Variants in ZMYM2 observed in about 807,000 individuals in gnomAD.
ZMYM2 encodes zinc finger MYM-type protein 2.
A neutral mutation model predicts 162.8 loss-of-function variants in ZMYM2; 56 were observed. The observed-to-expected ratio is 0.34, with a 90% confidence interval of 0.28 to 0.43. The LOEUF (loss-of-function observed/expected upper bound fraction) is 0.43, where lower values mean the gene tolerates loss of function less well. Among genes scored for constraint, ZMYM2 ranks in the 20% least tolerant of loss-of-function variants. The probability of loss-of-function intolerance (pLI) is 1.00; values close to 1 mark genes in which losing one functional copy is unlikely to be tolerated. For synonymous variants in ZMYM2, 510 were observed against 541.6 expected (o/e 0.94, Z 0.81); for missense variants, 1,275 against 1,621.8 (o/e 0.79, Z 3.67).
At chr13:19,969,109 T>G (rs369280295) in intron 2 of ZMYM2, among the ~76,000 whole-genome samples, 1 of 152,234 alleles carries the variant, frequency 6.6e-6, no homozygotes. Context: ...ACCCAGTGTT[T>G]AAACTTTAAA....
At chr13:20,001,914 A>G (rs1250740829) in intron 3 of ZMYM2, among the ~76,000 whole-genome samples, 1 of 152,248 alleles carries the variant, frequency 6.6e-6, no homozygotes. Context: ...CACTTAATAG[A>G]CTACATTATA....
intron 2 of ZMYM2, among the ~76,000 whole-genome samples, chr13:19,964,542 G>A (rs1423622610): frequency 6.6e-6 from 1 of 152,164 alleles, no homozygotes; most frequent in Non-Finnish European, 1.5e-5. Flanking sequence ...TGGGATTTCA[G>A]GCGTGAGCCA....
intron 21 of ZMYM2, among the ~76,000 whole-genome samples, chr13:20,074,231 T>A (rs977979443): frequency 1.1e-4 from 16 of 141,968 alleles, no homozygotes; most frequent in South Asian, 2.3e-4. Flanking sequence ...TGTGTGTGTG[T>A]GTGTGTGAGA....
intron 21 of ZMYM2, among the ~76,000 whole-genome samples, chr13:20,075,472 T>G (rs1246091854): frequency 1.3e-5 from 2 of 152,180 alleles, no homozygotes; most frequent in Non-Finnish European, 2.9e-5. Context: ...CTGACTTTCC[T>G]CCACTGATTT....
At chr13:20,025,692 CAA>C (rs1433731596) in intron 7 of ZMYM2, 4 of 152,286 alleles carry the variant, frequency 2.6e-5, no homozygotes, top group African/African-American at 9.7e-5. Context: ...TGCTTAATGA[CAA>C]GAATACGTTC....
intron 12 of ZMYM2, among the ~76,000 whole-genome samples, chr13:20,039,622 C>T (rs574962520): frequency 2.6e-4 from 39 of 152,078 alleles, no homozygotes; most frequent in African/African-American, 8.9e-4. Context: ...TGCAGGCGCC[C>T]GCCACCATGC....
At chr13:20,052,343 T>C in intron 14 of ZMYM2, 32 bp downstream of exon 14, 1 of 1,552,762 alleles carries the variant, frequency 6.4e-7, no homozygotes, top group Non-Finnish European at 8.7e-7. Flanking sequence ...TGCTGAATTG[T>C]GATTTTTGTA....
chr13:19,970,224 C>T (rs74035450), intron 2 of ZMYM2, among the ~76,000 whole-genome samples: 6,934 of 152,038 alleles, frequency 0.046, 457 homozygotes, highest in African/African-American at 0.15. Context: ...TCCAAATTAA[C>T]GTGTGTAGTT....
At chr13:20,024,467 C>G in intron 7 of ZMYM2, 1 of 217,022 alleles carries the variant, frequency 4.6e-6, no homozygotes, top group Non-Finnish European at 9.3e-6. Flanking sequence ...TAAAAGAATT[C>G]TTTGTAGGTG....
intron 24 of ZMYM2, among the ~76,000 whole-genome samples, chr13:20,085,168 G>A (rs1297794129): frequency 1.3e-5 from 2 of 152,132 alleles, no homozygotes; most frequent in South Asian, 2.1e-4. Flanking sequence ...TGTTTTGGGC[G>A]CGAACTCCTC....
chr13:20,005,714 C>T (rs1247917989), intron 5 of ZMYM2, among the ~76,000 whole-genome samples: 1 of 152,060 alleles, frequency 6.6e-6, no homozygotes, highest in Admixed American at 6.6e-5. Context: ...TATAATGGTT[C>T]TCCCCTCCTC....
chr13:19,945,945 G>A, the ZMYM2 span, among the ~76,000 whole-genome samples: 24 of 82,324 alleles, frequency 2.9e-4, no homozygotes, highest in Admixed American at 1.8e-4. Flanking sequence ...GAGAAACTCC[G>A]TCTCAGAAAA....
intron 22 of ZMYM2, 60 bp downstream of exon 22, chr13:20,082,190 A>G (rs2141043018): frequency 8.1e-7 from 1 of 1,227,268 alleles, no homozygotes; most frequent in East Asian, 2.7e-5. Flanking sequence ...ATTTTTACAG[A>G]GTATGTTTGA....
At chr13:19,957,735 G>A (rs1954637791), upstream of ZMYM2, among the ~76,000 whole-genome samples, 1 of 152,232 alleles carries the variant, frequency 6.6e-6, no homozygotes, top group Non-Finnish European at 1.5e-5. Flanking sequence ...CCCGGGCTGC[G>A]GAGCACAGGA....
At chr13:19,914,888 G>A in the ZMYM2 span, among the ~76,000 whole-genome samples, 945 of 152,186 alleles carry the variant, frequency 6.2e-3, 15 homozygotes, top group African/African-American at 0.021. Flanking sequence ...TTTCCAGCTG[G>A]GGCAAGGTTC....
intron 2 of ZMYM2, among the ~76,000 whole-genome samples, chr13:19,990,818 C>A (rs2139687276): frequency 6.6e-6 from 1 of 152,286 alleles, no homozygotes; most frequent in Non-Finnish European, 1.5e-5. Flanking sequence ...GGCCAAACCA[C>A]TGTATATAAG....
At chr13:20,052,773 A>C (rs1955482080) in intron 14 of ZMYM2, among the ~76,000 whole-genome samples, 1 of 152,228 alleles carries the variant, frequency 6.6e-6, no homozygotes, top group South Asian at 2.1e-4. Flanking sequence ...TAAAGTACTA[A>C]GCACGTGTAT....
In ZMYM2 at chr13:20,075,670, C is replaced by CTTTTTTTTTTTTTTTTTTTTTTTTTT. The variant is rs56664916; in HGVS notation, c.3454-6339_3454-6314dup. Reference sequence around the variant, plus strand: ...TTATTATGAATAGAACTATAGACACCTTTTTTTTTTTTTTTTTTTTTTTTT... The same window carrying CTTTTTTTTTTTTTTTTTTTTTTTTTT: ...TTATTATGAATAGAACTATAGACACCTTTTTTTTTTTTTTTTTTTTTTTTTTTTTTTTTTTTTTTTTTTTTTTTTTT... On this transcript the variant is annotated intron_variant, in intron 21 of 24. Transcript: ENST00000610343. 1.7e-4 allele frequency among the ~76,000 whole-genome samples: 13 copies of CTTTTTTTTTTTTTTTTTTTTTTTTTT among 75,716 alleles called. 1 individual carries two copies. The highest frequency in any genetic ancestry group is 5.2e-4 in the South Asian group (1 of 1,924). The allele number at this position is 75,716 out of a possible 152,430, so 49.7% of individuals were successfully genotyped here. A position where few individuals can be genotyped will look rare whatever the true frequency, so the allele number is the denominator to read the frequency against.
Position 20,034,211 on chromosome 13 carries a change from G to GCTTTTT in ZMYM2, c.1969-40_1969-39insTTTCTT, listed in dbSNP as rs1555311201. The GCTTTTT allele has an allele frequency of 1.8e-4, 249 of 1,387,040 alleles. 1 individual carries two copies. The highest frequency in any genetic ancestry group is 8.4e-5 in the Non-Finnish European group (90 of 1,075,108). The allele number at this position is 1,387,040 out of a possible 1,614,324, so 85.9% of individuals were successfully genotyped here. ...TAAAAGTGGCGTGTTTATTTCTTAA[G>GCTTTTT]CTTGTCGTCATATACTTACCAAGGT... is the stretch of plus-strand genomic sequence containing the variant. On this transcript the variant is annotated intron_variant, in intron 10 of 24. Coordinates refer to ENST00000610343, the MANE Select transcript of ZMYM2 (RefSeq NM_197968.4).
Sources: gnomAD v4.1 joint callset for allele counts (sites outside exome capture counted in the v4.1 genomes callset) on GRCh38, gnomAD v4.1.1 for gene constraint, MANE v1.5 for transcripts, NCBI Gene and HGNC (gene_info 2026-07-23, HGNC 2026-07-21) for gene names.